Variants in ARHGEF10 observed in about 807,000 individuals in gnomAD.
The protein encoded by ARHGEF10 is Rho guanine nucleotide exchange factor (GEF) 10.
A neutral mutation model predicts 147.4 loss-of-function variants in ARHGEF10; 140 were observed. The ratio of observed to expected loss-of-function variants is 0.95; its 90% confidence interval spans 0.83 to 1.09. The LOEUF (loss-of-function observed/expected upper bound fraction) is 1.09. Among genes scored for constraint, ARHGEF10 ranks in the 50% least tolerant of loss-of-function variants. The pLI, the probability that ARHGEF10 is intolerant of heterozygous loss-of-function variation, is 0.00. For synonymous variants in ARHGEF10, 902 were observed against 695.8 expected, an observed-to-expected ratio of 1.30 and a Z score of -4.67; for missense variants, 2,222 against 1,752.7, an observed-to-expected ratio of 1.27 and a Z score of -4.78.
At position 1,861,388 on chromosome 8, in the gene ARHGEF10, A is replaced by C. The variant is rs532040560; in HGVS notation, c.481+1204A>C. Among the ~76,000 whole-genome samples, 46 of 152,298 alleles carry C rather than the reference A, an allele frequency of 3.0e-4. 1 individual carries two copies. The South Asian group carries it at 9.5e-3, about 32-fold the overall frequency. On this transcript the variant is annotated intron_variant, in intron 4 of 28. Transcript: ENST00000349830. ...TGCTGTAGGGCCAGGCGCCAGGGTG[A>C]GGGTAAGCACATACCCTGCCTCTGT...
chr8:1,828,482 G>A (rs531203744), intron 1 of ARHGEF10, among the ~76,000 whole-genome samples: 1 of 149,356 alleles, frequency 6.7e-6, no homozygotes, highest in South Asian at 2.2e-4. Context: ...TTGATAAACC[G>A]TGGCATGCAC....
At chr8:1,856,048 C>G (rs1331397219) in intron 2 of ARHGEF10, among the ~76,000 whole-genome samples, 1 of 152,076 alleles carries the variant, frequency 6.6e-6, no homozygotes, top group East Asian at 1.9e-4. Flanking sequence ...TTCCAGCTCT[C>G]CCCCTGCTTC....
At chr8:1,923,994 A>G in intron 21 of ARHGEF10, 120 bp downstream of exon 21, 1 of 965,534 alleles carries the variant, frequency 1.0e-6, no homozygotes, top group South Asian at 1.4e-5. Context: ...TTGACCTGAA[A>G]GAGTGTTTCT....
At chr8:1,841,138 T>C (rs1428016524) in intron 1 of ARHGEF10, among the ~76,000 whole-genome samples, 1 of 152,248 alleles carries the variant, frequency 6.6e-6, no homozygotes, top group African/African-American at 2.4e-5. Flanking sequence ...CCAGCTGCCC[T>C]CTGCTGTAGC....
intron 22 of ARHGEF10, 29 bp from the exon 23 acceptor site, chr8:1,926,348 T>C (rs1267495442): frequency 6.3e-7 from 1 of 1,578,986 alleles, no homozygotes. Context: ...CTGTTTTATA[T>C]GTGAGCGTTT....
intron 4 of ARHGEF10, among the ~76,000 whole-genome samples, chr8:1,862,551 C>T (rs543823503): frequency 7.2e-5 from 11 of 152,284 alleles, no homozygotes; most frequent in Admixed American, 1.3e-4. Context: ...CTTAATTTCC[C>T]GGAAGGCGGA....
In ARHGEF10 at chr8:1,858,185, C is replaced by T. The variant is rs1177000545; in HGVS notation, c.193+70C>T. ...CCAGGTGAGTCCCCAGGTGGGTCCC[C>T]ATGTGAGTCACCAGGTGAGTTCCCA... is the stretch of plus-strand genomic sequence containing the variant. On this transcript the variant is annotated intron_variant, in intron 3 of 28. Transcript: ENST00000349830. 4.8e-6 allele frequency: 7 copies of T among 1,448,176 alleles called. No homozygotes were observed. The East Asian group carries it at 1.5e-4, about 30-fold the overall frequency. The allele number at this position is 1,448,176 out of a possible 1,614,324, so 89.7% of individuals were successfully genotyped here.
chr8:1,945,534 G>T lies in ARHGEF10; in HGVS notation c.3276G>T (p.Val1092=). 1 of 1,614,052 alleles carries T rather than the reference G, an allele frequency of 6.2e-7. No homozygotes were observed. The highest frequency in any genetic ancestry group is 8.5e-7 in the Non-Finnish European group (1 of 1,179,948). Residue 1092 remains valine, a synonymous_variant, in exon 27 of 29, where the codon GTG becomes GTT. Transcript: ENST00000349830. ...EEGMVISHMA[V]SGVGIWIAFT... ...GCATGGTGATCTCCCACATGGCCGT[G>T]TCCGGCGTCGGGATCTGGATTGCCT...
chr8:1,876,423 C>A, intron 7 of ARHGEF10, 148 bp from the exon 8 acceptor site: 1 of 839,210 alleles, frequency 1.2e-6, no homozygotes, highest in Non-Finnish European at 2.0e-6. Context: ...TTCCATGGAG[C>A]AAGCCCGGGG....
intron 2 of ARHGEF10, among the ~76,000 whole-genome samples, chr8:1,857,105 C>T (rs1309549345): frequency 2.0e-5 from 3 of 152,226 alleles, no homozygotes; most frequent in African/African-American, 7.2e-5. Context: ...TTACTTGGAA[C>T]AGTTATTAAC....
intron 2 of ARHGEF10, among the ~76,000 whole-genome samples, chr8:1,849,296 C>G (rs980523972): frequency 2.9e-4 from 41 of 143,464 alleles, no homozygotes; most frequent in Non-Finnish European, 5.6e-4. Context: ...GTGGACACAG[C>G]AAATGCCGAG....
chr8:1,860,311 G>C (rs979670675), intron 4 of ARHGEF10, 127 bp downstream of exon 4: 251 of 1,324,556 alleles, frequency 1.9e-4, no homozygotes, highest in Admixed American at 3.0e-4. Context: ...GTAGAGTCCG[G>C]GCCTGACCTT....
chr8:1,892,907 T>G (rs1809663217), intron 11 of ARHGEF10, among the ~76,000 whole-genome samples: 2 of 152,134 alleles, frequency 1.3e-5, no homozygotes, highest in African/African-American at 4.8e-5. Flanking sequence ...CACGGGATCT[T>G]ACAGCCACAA....
chr8:1,947,634 C>T (rs1484912013), intron 27 of ARHGEF10, among the ~76,000 whole-genome samples: 1 of 149,432 alleles, frequency 6.7e-6, no homozygotes, highest in Non-Finnish European at 1.5e-5. Context: ...ATCCCAGCAC[C>T]CCACCCACTG....
intron 1 of ARHGEF10, among the ~76,000 whole-genome samples, chr8:1,826,990 TG>T (rs745751292): frequency 9.2e-5 from 14 of 152,074 alleles, no homozygotes; most frequent in Non-Finnish European, 1.6e-4. Context: ...TGGAAAGGGG[TG>T]GGCCAGGCCC....
At chr8:1,854,463 T>C (rs1054542463) in intron 2 of ARHGEF10, among the ~76,000 whole-genome samples, 2 of 152,196 alleles carry the variant, frequency 1.3e-5, no homozygotes, top group East Asian at 3.9e-4. Flanking sequence ...TGAGAGGAAT[T>C]TGTAACACAC....
At position 1,929,328 on chromosome 8, in the gene ARHGEF10, A is replaced by G. The variant is rs1478545939; in HGVS notation, c.2964A>G (p.Arg988=). 6.2e-7 allele frequency: 1 copy of G among 1,614,016 alleles called. No homozygotes were observed. Among genetic ancestry groups the G allele is most frequent in the African/African-American group, 1.3e-5 (1 of 75,040 alleles). ...GCAGTCAAGGCTCCAAGAAAGTGAGACTTCAGCACTTTTTCACTCCTGAGA... is the reference window on the plus strand; with the variant it reads ...GCAGTCAAGGCTCCAAGAAAGTGAGGCTTCAGCACTTTTTCACTCCTGAGA... ...YKSSQGSKKV[R]LQHFFTPEKS... Residue 988 remains arginine, a synonymous_variant, in exon 25 of 29, where the codon AGA becomes AGG. Coordinates refer to ENST00000349830, the MANE Select transcript of ARHGEF10 (RefSeq NM_014629.4).
At chr8:1,829,752 C>T (rs961813945) in intron 1 of ARHGEF10, among the ~76,000 whole-genome samples, 2 of 152,174 alleles carry the variant, frequency 1.3e-5, no homozygotes, top group African/African-American at 4.8e-5. Context: ...CATAGGTGCC[C>T]AGCGCTGCAC....
At position 1,885,655 on chromosome 8, in the gene ARHGEF10, A is replaced by G; in HGVS notation, c.1130A>G (p.Lys377Arg). 1.2e-6 allele frequency: 2 copies of G among 1,614,082 alleles called. No individual in the cohort carries two copies. Among genetic ancestry groups the G allele is most frequent in the Non-Finnish European group, 1.7e-6 (2 of 1,180,022 alleles). ...EQNLFIDVDC[K>R]HPEAILTPMP... ...AATTTGTTCATTGATGTTGACTGCAAGCACCCGGAAGCCATCTTGACCCCG... is the reference window on the plus strand; with the variant it reads ...AATTTGTTCATTGATGTTGACTGCAGGCACCCGGAAGCCATCTTGACCCCG... The change falls in exon 11 of 29, where the codon AAG becomes AGG. Residue 377 changes from lysine to arginine, a missense_variant. Physicochemically the swap from Lys to Arg is conservative, Grantham distance 26. Coordinates refer to ENST00000349830, the MANE Select transcript of ARHGEF10 (RefSeq NM_014629.4).
Sources: gnomAD v4.1 joint callset for allele counts (sites outside exome capture counted in the v4.1 genomes callset) on GRCh38, gnomAD v4.1.1 for gene constraint, MANE v1.5 for transcripts, NCBI Gene and HGNC (gene_info 2026-07-23, HGNC 2026-07-21) for gene names.